NAPG: variants seen among roughly 807,000 people sequenced by gnomAD.
NAPG encodes the protein gamma-soluble NSF attachment protein.
A neutral mutation model predicts 48.4 loss-of-function variants in NAPG; 25 were observed. The observed-to-expected ratio is 0.52, with a 90% CI of 0.38 to 0.72. NAPG has a LOEUF of 0.72. Ranked by LOEUF, NAPG falls within the 30% of genes least tolerant of loss-of-function variation. NAPG has a pLI of 0.00. For synonymous variants in NAPG, 139 were observed against 127.2 expected, an observed-to-expected ratio of 1.09 and a Z score of -0.62; for missense variants, 359 against 372.5, an observed-to-expected ratio of 0.96 and a Z score of 0.30.
intron 7 of NAPG, 107 bp downstream of exon 7, chr18:10,540,161 C>A: frequency 9.3e-7 from 1 of 1,077,114 alleles, no homozygotes; most frequent in Non-Finnish European, 1.3e-6. Context: ...TTTCCCTGCT[C>A]ACAGTTGCAC....
rs2143164715 is a variant in NAPG at position 10,552,024 on chromosome 18, C to G, written c.*1804C>G. 1 of 152,276 alleles carries G rather than the reference C, an allele frequency of 6.6e-6. No homozygotes were observed. The allele number at this position is 152,276 out of a possible 1,614,324, so 9.4% of individuals were successfully genotyped here. ...ATCCTTTAGATCCAATCGGAAACTT[C>G]TGGAGTCTTACATTAATGCTCATTT... On this transcript the variant is annotated 3_prime_UTR_variant, in exon 12 of 12. Coordinates refer to ENST00000322897, the MANE Select transcript of NAPG (RefSeq NM_003826.3).
At chr18:10,533,469 G>C in intron 3 of NAPG, 67 bp from the exon 4 acceptor site, 1 of 1,407,452 alleles carries the variant, frequency 7.1e-7, no homozygotes. Context: ...TCTTTAAATA[G>C]TTGATCTATA....
At chr18:10,547,823 C>G (rs1445634922) in intron 9 of NAPG, among the ~76,000 whole-genome samples, 1 of 152,144 alleles carries the variant, frequency 6.6e-6, no homozygotes, top group African/African-American at 2.4e-5. Flanking sequence ...TCAATACTAT[C>G]ATTGTTTCTG....
chr18:10,530,679 TTTTTTA>T, intron 1 of NAPG, 85 bp from the exon 2 acceptor site: 1 of 750,612 alleles, frequency 1.3e-6, no homozygotes. Flanking sequence ...TTTTTTTTTT[TTTTTTA>T]AAGACCTAGA....
chr18:10,548,627 T>C lies in NAPG; in HGVS notation c.665+249T>C, dbSNP rs1271504471. On this transcript the variant is annotated intron_variant, in intron 10 of 11. Coordinates refer to ENST00000322897, the MANE Select transcript of NAPG (RefSeq NM_003826.3). The surrounding 1 kb of genome is among the most constrained non-coding windows in gnomAD (Gnocchi z 4.4). ...AGTCATTTTAGTCATTTTATTTGCC[T>C]TCTAAGAAAAAAAGAACAAGAAAAA... Among the ~76,000 whole-genome samples the C allele has an allele frequency of 6.6e-6, 1 of 151,916 alleles. No homozygotes were observed. Among genetic ancestry groups the C allele is most frequent in the Non-Finnish European group, 1.5e-5 (1 of 67,970 alleles).
chr18:10,540,488 A>AT (rs2032132920), intron 8 of NAPG, 89 bp downstream of exon 8: 2 of 1,076,918 alleles, frequency 1.9e-6, no homozygotes, highest in African/African-American at 1.6e-5. Flanking sequence ...TAGCTTGTTA[A>AT]TTTTTTGGTA....
At chr18:10,532,340 A>G (rs1372187267) in intron 2 of NAPG, among the ~76,000 whole-genome samples, 2 of 152,164 alleles carry the variant, frequency 1.3e-5, no homozygotes, top group East Asian at 3.8e-4. Context: ...TACCCAAAAT[A>G]CCGTTTAAAG....
intron 1 of NAPG, among the ~76,000 whole-genome samples, chr18:10,528,727 A>AT (rs1463431266): frequency 6.6e-6 from 1 of 151,812 alleles, no homozygotes; most frequent in Non-Finnish European, 1.5e-5. Flanking sequence ...AAGATAGGGG[A>AT]TATAGATTAA....
rs1391446840 is a variant in NAPG, at chr18:10,551,176, A to G, written c.*956A>G. On this transcript the variant is annotated 3_prime_UTR_variant, in exon 12 of 12. Transcript: ENST00000322897. The stretch of plus-strand genomic sequence containing the variant: ...GTTCTCAAACTCCTAAGCTCAAGCC[A>G]TCTGCCTGCCTTGGCCTCCCAAAGT... The G allele has an allele frequency of 6.6e-6, 1 of 151,948 alleles. No individual in the cohort carries two copies. Among genetic ancestry groups the G allele is most frequent in the Non-Finnish European group, 1.5e-5 (1 of 67,984 alleles). The allele number at this position is 151,948 out of a possible 1,614,324, so 9.4% of individuals were successfully genotyped here.
chr18:10,533,396 CT>C, intron 3 of NAPG, 139 bp from the exon 4 acceptor site: 2 of 618,492 alleles, frequency 3.2e-6, no homozygotes, highest in Middle Eastern at 3.2e-4. Context: ...TGAATTACTT[CT>C]TTTTTACCTG....
intron 5 of NAPG, among the ~76,000 whole-genome samples, chr18:10,536,599 A>G (rs185202067): frequency 1.8e-4 from 27 of 152,300 alleles, no homozygotes; most frequent in South Asian, 6.2e-4. Context: ...AGAAGTATCA[A>G]TATTGTGGTT....
In NAPG at chr18:10,550,776, C is replaced by T. The variant is rs1210445769; in HGVS notation, c.*556C>T. 1 of 152,062 alleles carries T rather than the reference C, an allele frequency of 6.6e-6. No homozygotes were observed. The allele number at this position is 152,062 out of a possible 1,614,324, so 9.4% of individuals were successfully genotyped here. ...TTGAGCCTTACAATATTATTTAGCC[C>T]AATAAAAGATGCATTGAAGCTCTTA... On this transcript the variant is annotated 3_prime_UTR_variant, in exon 12 of 12. Transcript: ENST00000322897.
chr18:10,540,071 T>C lies in NAPG; in HGVS notation c.435+17T>C. On this transcript the variant is annotated intron_variant, in intron 7 of 11. Coordinates refer to ENST00000322897, the MANE Select transcript of NAPG (RefSeq NM_003826.3). ...GTGTTTGAAGTAAGTTTGAATCTTA[T>C]TTTTTTCTTTAATTACTTAGAATGT... 1 of 1,529,104 alleles carries C rather than the reference T, an allele frequency of 6.5e-7. No individual in the cohort carries two copies. The allele number at this position is 1,529,104 out of a possible 1,614,324, so 94.7% of individuals were successfully genotyped here. A position where few individuals can be genotyped will look rare whatever the true frequency, so the allele number is the denominator to read the frequency against.
Position 10,533,484 on chromosome 18 carries a change from CTA to C in NAPG, c.210-50_210-49del, listed in dbSNP as rs1002997308. 1.3e-4 allele frequency: 202 copies of C among 1,517,542 alleles called. No individual in the cohort carries two copies. The African/African-American group carries it at 2.6e-3, about 19-fold the overall frequency. The allele number at this position is 1,517,542 out of a possible 1,614,324, so 94.0% of individuals were successfully genotyped here. A position where few individuals can be genotyped will look rare whatever the true frequency, so the allele number is the denominator to read the frequency against. On this transcript the variant is annotated intron_variant, in intron 3 of 11. Coordinates refer to ENST00000322897, the MANE Select transcript of NAPG (RefSeq NM_003826.3). ...TCTTTAAATAGTTGATCTATAGAAACTATTGATTTTTTTCTTTTTTCCTTAAC... is the reference window on the plus strand; with the variant it reads ...TCTTTAAATAGTTGATCTATAGAAACTTGATTTTTTTCTTTTTTCCTTAAC...
At position 10,552,740 on chromosome 18, in the gene NAPG, A is replaced by G. The variant is rs1288735517; in HGVS notation, c.*2520A>G. The G allele has an allele frequency of 6.6e-6, 1 of 152,256 alleles. No homozygotes were observed. The highest frequency in any genetic ancestry group is 1.5e-5 in the Non-Finnish European group (1 of 68,048). 9.4% of individuals were successfully genotyped at this position (152,256 alleles called of 1,614,324 possible). On this transcript the variant is annotated 3_prime_UTR_variant, in exon 12 of 12. Transcript: ENST00000322897. ...TTGCTTCTATAGGAAGATAATTATG[A>G]AAATAAAACCTGAAACTATATAAAT...
chr18:10,534,805 T>C lies in NAPG; in HGVS notation c.258+309T>C, dbSNP rs879414853. On this transcript the variant is annotated intron_variant, in intron 5 of 11. Transcript: ENST00000322897. The surrounding 1 kb of genome is among the most constrained non-coding windows in gnomAD (Gnocchi z 5.0). The stretch of plus-strand genomic sequence containing the variant: ...GCTCTATGGGAAGTTTCTCTACTTT[T>C]GAGAAGGACATCTAAATGTAGTAAA... Among the ~76,000 whole-genome samples the C allele has an allele frequency of 6.6e-6, 1 of 152,228 alleles. No homozygotes were observed. Among genetic ancestry groups the C allele is most frequent in the African/African-American group, 2.4e-5 (1 of 41,454 alleles).
intron 2 of NAPG, 82 bp downstream of exon 2, chr18:10,530,919 A>G: frequency 3.6e-6 from 4 of 1,107,628 alleles, no homozygotes; most frequent in Non-Finnish European, 4.9e-6. Flanking sequence ...ATACTTACTC[A>G]TATGCTTTCT....
intron 5 of NAPG, among the ~76,000 whole-genome samples, chr18:10,536,838 T>C (rs2032043100): frequency 6.6e-6 from 1 of 152,192 alleles, no homozygotes; most frequent in South Asian, 2.1e-4. Flanking sequence ...TGGGTAGGTA[T>C]ATTTGGGGAG....
Position 10,546,709 on chromosome 18 carries a change from T to C in NAPG, c.585+305T>C, listed in dbSNP as rs1425876366. Among the ~76,000 whole-genome samples, 1 of 152,134 alleles carries C rather than the reference T, an allele frequency of 6.6e-6. No homozygotes were observed. Among genetic ancestry groups the C allele is most frequent in the African/African-American group, 2.4e-5 (1 of 41,424 alleles). On this transcript the variant is annotated intron_variant, in intron 9 of 11. Transcript: ENST00000322897. The surrounding 1 kb of genome is among the most constrained non-coding windows in gnomAD (Gnocchi z 4.0). ...CCACCATGGGAATGAGTTTCTCGGG[T>C]TTTTTTCCATTTCCTCTTGCAGCAT...
Sources: allele counts gnomAD v4.1 joint callset (sites outside exome capture counted in the v4.1 genomes callset), GRCh38; gene constraint gnomAD v4.1.1; non-coding constraint Gnocchi (gnomAD v3.1); transcripts MANE v1.5; gene names NCBI Gene and HGNC (gene_info 2026-07-23, HGNC 2026-07-21).